PDE4B: variants seen among roughly 807,000 people sequenced by gnomAD.
PDE4B encodes 3',5'-cyclic-AMP phosphodiesterase 4B.
A neutral mutation model predicts 82.2 loss-of-function variants in PDE4B; 20 were observed. The observed-to-expected ratio is 0.24, with a 90% CI of 0.17 to 0.35. PDE4B has a LOEUF of 0.35. PDE4B is among the 10% of genes least tolerant of loss of function. The pLI, the probability that PDE4B is intolerant of heterozygous loss-of-function variation, is 1.00. For synonymous variants in PDE4B, 320 were observed against 318.9 expected (o/e 1.00, Z -0.04); for missense variants, 655 against 907.2 (o/e 0.72, Z 3.57).
At chr1:65,822,692 G>A (rs1557764491) in intron 1 of PDE4B, among the ~76,000 whole-genome samples, 1 of 152,020 alleles carries the variant, frequency 6.6e-6, no homozygotes, top group Non-Finnish European at 1.5e-5. Flanking sequence ...TTTCCCTTCC[G>A]CTGCTTCTAC....
rs7531133 is a variant in PDE4B, at chr1:66,361,584, G to A, written c.842-31G>A. 6.5e-3 allele frequency: 10,324 copies of A among 1,581,648 alleles called. 549 individuals carry two copies. In the African/African-American group the frequency reaches 0.12, roughly 19 times the overall value. On this transcript the variant is annotated intron_variant, in intron 9 of 16. Coordinates refer to ENST00000341517, the MANE Select transcript of PDE4B (RefSeq NM_002600.4). ...GCAGTGGATTCTCATAGACACATGT[G>A]CTGAAAAACATATTCCTTTGTCTGT...
At chr1:66,120,724 C>T (rs1018985268) in intron 3 of PDE4B, among the ~76,000 whole-genome samples, 1 of 152,140 alleles carries the variant, frequency 6.6e-6, no homozygotes, top group African/African-American at 2.4e-5. Context: ...AGTCTGCACT[C>T]TCTATTTTGC....
At chr1:66,181,419 A>G (rs916928779) in intron 3 of PDE4B, among the ~76,000 whole-genome samples, 2 of 152,188 alleles carry the variant, frequency 1.3e-5, no homozygotes, top group African/African-American at 4.8e-5. Flanking sequence ...CTCCTGCACA[A>G]TGGCCTTTCA....
In PDE4B at chr1:65,793,104, A is replaced by G. The variant is rs1414829398; in HGVS notation, c.-215A>G. On this transcript the variant is annotated 5_prime_UTR_variant, in exon 1 of 17. Coordinates refer to ENST00000341517, the MANE Select transcript of PDE4B (RefSeq NM_002600.4). ...CCCTCCGGGCAGACTTTCGTCCCCC[A>G]CCCCCGGGAGCGCGGAAGGCTCACT... is the stretch of plus-strand genomic sequence containing the variant. 2 of 151,314 alleles carry G rather than the reference A, an allele frequency of 1.3e-5. No homozygotes were observed. The highest frequency in any genetic ancestry group is 4.9e-5 in the African/African-American group (2 of 41,092). The allele number at this position is 151,314 out of a possible 1,614,324, so 9.4% of individuals were successfully genotyped here.
chr1:66,343,247 C>A (rs1175509673), intron 8 of PDE4B, among the ~76,000 whole-genome samples: 1 of 152,040 alleles, frequency 6.6e-6, no homozygotes, highest in Non-Finnish European at 1.5e-5. Context: ...TCCTCTCTAC[C>A]CTCAATGTCA....
intron 3 of PDE4B, among the ~76,000 whole-genome samples, chr1:66,106,924 G>C (rs1230829914): frequency 7.1e-6 from 1 of 140,644 alleles, no homozygotes; most frequent in South Asian, 2.5e-4. Context: ...AGGGTTTTTT[G>C]TGTCTCTATT....
chr1:65,865,437 G>A (rs759397385), intron 1 of PDE4B, among the ~76,000 whole-genome samples: 2 of 152,052 alleles, frequency 1.3e-5, no homozygotes, highest in African/African-American at 4.8e-5. Flanking sequence ...GGCGGGGAGG[G>A]GAGGGGAGGA....
chr1:65,915,047 T>C (rs1038342226), intron 2 of PDE4B, among the ~76,000 whole-genome samples: 3 of 152,248 alleles, frequency 2.0e-5, no homozygotes, highest in African/African-American at 7.2e-5. Context: ...ATTTTGCATA[T>C]GCAAGCCTAA....
chr1:65,836,725 C>A (rs1213330316), intron 1 of PDE4B, among the ~76,000 whole-genome samples: 1 of 151,986 alleles, frequency 6.6e-6, no homozygotes, highest in Admixed American at 6.6e-5. Flanking sequence ...CCATCTTTAT[C>A]TCTGTCTTTA....
At chr1:65,898,413 G>A (rs2100411829) in intron 1 of PDE4B, among the ~76,000 whole-genome samples, 1 of 152,120 alleles carries the variant, frequency 6.6e-6, no homozygotes, top group African/African-American at 2.4e-5. Flanking sequence ...CAATGCTAAT[G>A]TCAAGAAGGG....
At chr1:66,273,547 C>T (rs1363671593) in intron 7 of PDE4B, among the ~76,000 whole-genome samples, 1 of 152,216 alleles carries the variant, frequency 6.6e-6, no homozygotes, top group Non-Finnish European at 1.5e-5. Flanking sequence ...CTTGATATAC[C>T]TTCTGCAACT....
At chr1:66,157,034 CCTT>C (rs2101229960) in intron 3 of PDE4B, among the ~76,000 whole-genome samples, 1 of 152,278 alleles carries the variant, frequency 6.6e-6, no homozygotes, top group Admixed American at 6.5e-5. Flanking sequence ...TAGCCAACAG[CCTT>C]CTTAACTCTC....
chr1:66,073,136 G>C (rs1365750436), intron 3 of PDE4B, among the ~76,000 whole-genome samples: 1 of 151,900 alleles, frequency 6.6e-6, no homozygotes, highest in Non-Finnish European at 1.5e-5. Flanking sequence ...TGATTCTCTG[G>C]GACAGGGATT....
intron 10 of PDE4B, 44 bp downstream of exon 10, chr1:66,361,837 C>G (rs773683915): frequency 6.8e-7 from 1 of 1,475,364 alleles, no homozygotes; most frequent in Non-Finnish European, 9.3e-7. Flanking sequence ...CTCTGCTTTA[C>G]AGCAGACGGA....
intron 9 of PDE4B, among the ~76,000 whole-genome samples, chr1:66,358,815 G>A (rs1445011427): frequency 6.6e-6 from 1 of 151,978 alleles, no homozygotes; most frequent in African/African-American, 2.4e-5. Flanking sequence ...TTCAATAAAA[G>A]CCATTAAATG....
At chr1:66,305,067 A>C (rs187495245) in intron 7 of PDE4B, among the ~76,000 whole-genome samples, 1 of 152,296 alleles carries the variant, frequency 6.6e-6, no homozygotes, top group Non-Finnish European at 1.5e-5. Flanking sequence ...AGACAAGTCC[A>C]TGTGCCCAAA....
At chr1:65,847,727 G>A (rs1004171773) in intron 1 of PDE4B, among the ~76,000 whole-genome samples, 2 of 152,170 alleles carry the variant, frequency 1.3e-5, no homozygotes, top group Non-Finnish European at 2.9e-5. Flanking sequence ...GAAGCAGAAG[G>A]TATTAAGGGA....
intron 3 of PDE4B, among the ~76,000 whole-genome samples, chr1:65,976,788 A>AT (rs1650432143): frequency 6.6e-6 from 1 of 152,098 alleles, no homozygotes; most frequent in Non-Finnish European, 1.5e-5. Flanking sequence ...TTTACCTTCC[A>AT]TCATGATTTA....
Position 65,918,796 on chromosome 1 carries a change from C to T in PDE4B, c.242C>T (p.Thr81Met), listed in dbSNP as rs781087647. The change falls in exon 3 of 17, where the codon ACG (threonine) becomes ATG (methionine). Residue 81 changes from threonine (T) to methionine (M), a missense_variant. Physicochemically the swap from Thr to Met is moderately conservative, Grantham distance 81. Transcript: ENST00000341517. ...ISRPTTLPLT[T>M]LPSIAITTVS... ...AGGCCGACCACACTGCCTTTGACAA[C>T]GCTTCCAAGCATTGCTATTACAACT... The T allele has an allele frequency of 1.5e-5, 25 of 1,613,160 alleles. No individual in the cohort carries two copies. The highest frequency in any genetic ancestry group is 2.0e-5 in the Non-Finnish European group (23 of 1,179,188).
Sources: allele counts gnomAD v4.1 joint callset (sites outside exome capture counted in the v4.1 genomes callset), GRCh38; gene constraint gnomAD v4.1.1; transcripts MANE v1.5; gene names NCBI Gene and HGNC (gene_info 2026-07-23, HGNC 2026-07-21).